Variants in GARRE1 observed in about 807,000 individuals in gnomAD.
GARRE1 encodes granule associated Rac and RHOG effector 1.
In GARRE1, 49 loss-of-function variants were observed where a neutral mutation model predicts 103.2. The observed-to-expected ratio is 0.47, with a 90% CI of 0.38 to 0.60. The LOEUF is 0.60. GARRE1 is among the 20% of genes least tolerant of loss of function. GARRE1 has a pLI of 0.00. For missense variants in GARRE1, 1,199 were observed against 1,370.5 expected (o/e 0.87, Z 1.98); for synonymous variants, 505 against 532.8 (o/e 0.95, Z 0.72).
chr19:34,301,954 A>G (rs1599763557), intron 2 of GARRE1, among the ~76,000 whole-genome samples: 1 of 121,182 alleles, frequency 8.3e-6, no homozygotes, highest in African/African-American at 3.0e-5. Flanking sequence ...AAGTGTTGGG[A>G]TTACAGGTGT....
At chr19:34,347,852 GGTTT>G (rs778411732) in intron 10 of GARRE1, 21 bp from the exon 11 acceptor site, 35 of 1,493,050 alleles carry the variant, frequency 2.3e-5, no homozygotes, top group Middle Eastern at 1.8e-4. Flanking sequence ...CCCCAAACCC[GGTTT>G]ATTCCTTTGT....
intron 8 of GARRE1, among the ~76,000 whole-genome samples, chr19:34,338,643 G>C (rs982816502): frequency 6.6e-6 from 1 of 152,132 alleles, no homozygotes; most frequent in Non-Finnish European, 1.5e-5. Context: ...AGAGAAATTC[G>C]GGCAAAGGCA....
chr19:34,339,746 T>G, intron 8 of GARRE1, 121 bp from the exon 9 acceptor site: 1 of 1,129,230 alleles, frequency 8.9e-7, no homozygotes, highest in Non-Finnish European at 1.3e-6. Context: ...GTTCTTACAG[T>G]TACTGAATTT....
intron 2 of GARRE1, among the ~76,000 whole-genome samples, chr19:34,317,996 T>TGGAA (rs2074067689): frequency 6.6e-6 from 1 of 152,114 alleles, no homozygotes; most frequent in Admixed American, 6.6e-5. Flanking sequence ...GAGGTGTGAG[T>TGGAA]GGAAGCCCAG....
At chr19:34,290,498 TTCTC>T (rs889554137) in intron 1 of GARRE1, among the ~76,000 whole-genome samples, 22 of 151,740 alleles carry the variant, frequency 1.4e-4, no homozygotes, top group Non-Finnish European at 8.8e-5. Context: ...AAGCCTTTTT[TTCTC>T]TCTCTCTCTC....
intron 10 of GARRE1, among the ~76,000 whole-genome samples, chr19:34,343,974 A>G (rs2074198805): frequency 6.6e-6 from 1 of 152,260 alleles, no homozygotes; most frequent in Non-Finnish European, 1.5e-5. Context: ...GGCGACTGTT[A>G]TCACCTGTAG....
intron 10 of GARRE1, among the ~76,000 whole-genome samples, chr19:34,343,987 T>A (rs979888481): frequency 1.3e-5 from 2 of 152,202 alleles, no homozygotes; most frequent in South Asian, 2.1e-4. Flanking sequence ...ACCTGTAGCA[T>A]GTAACTTTGT....
chr19:34,283,953 T>C (rs2073870680), intron 1 of GARRE1, among the ~76,000 whole-genome samples: 1 of 148,172 alleles, frequency 6.7e-6, no homozygotes, highest in South Asian at 2.2e-4. Flanking sequence ...TGCCTCAGCC[T>C]CCCAAGTAGC....
intron 1 of GARRE1, among the ~76,000 whole-genome samples, chr19:34,268,250 T>A (rs2073764717): frequency 6.6e-6 from 1 of 152,326 alleles, no homozygotes; most frequent in South Asian, 2.1e-4. Context: ...GATGAAACCT[T>A]CCTTTTACCT....
At chr19:34,287,705 C>T (rs1471439759) in intron 1 of GARRE1, among the ~76,000 whole-genome samples, 1 of 152,050 alleles carries the variant, frequency 6.6e-6, no homozygotes, top group Non-Finnish European at 1.5e-5. Context: ...ATCAGGGTGC[C>T]AGCACTGTCA....
chr19:34,341,968 G>A lies in GARRE1; in HGVS notation c.2034G>A (p.Met678Ile). 6.2e-7 allele frequency: 1 copy of A among 1,614,152 alleles called. No homozygotes were observed. Among genetic ancestry groups the A allele is most frequent in the Non-Finnish European group, 8.5e-7 (1 of 1,180,026 alleles). Residue 678 changes from methionine to isoleucine, a missense_variant, in exon 10 of 14, where the codon ATG (methionine) becomes ATA (isoleucine). Met to Ile is a conservative substitution (Grantham distance 10, BLOSUM62 1). Coordinates refer to ENST00000299505, the MANE Select transcript of GARRE1 (RefSeq NM_014686.5). ...VTRHNSAATA[M>I]VTEQKAGAMQ... ...GGCATAATTCTGCTGCCACAGCCAT[G>A]GTGACTGAGCAGAAGGCAGGAGCCA...
intron 3 of GARRE1, among the ~76,000 whole-genome samples, chr19:34,320,785 G>C (rs1284980338): frequency 6.7e-6 from 1 of 150,104 alleles, no homozygotes; most frequent in South Asian, 2.1e-4. Context: ...GCAGTGCTGC[G>C]ATCAAGTCTC....
intron 3 of GARRE1, 67 bp from the exon 4 acceptor site, chr19:34,327,354 T>G (rs2074116250): frequency 7.1e-7 from 1 of 1,417,888 alleles, no homozygotes; most frequent in Non-Finnish European, 9.8e-7. Flanking sequence ...GTTGTTGTTA[T>G]TGTTGGTCTA....
At chr19:34,327,891 T>A in intron 5 of GARRE1, 25 bp downstream of exon 5, 1 of 1,613,444 alleles carries the variant, frequency 6.2e-7, no homozygotes, top group Non-Finnish European at 8.5e-7. Flanking sequence ...CCTAAAGCTC[T>A]GGGGACCTAT....
chr19:34,289,011 G>A (rs772749085), intron 1 of GARRE1, among the ~76,000 whole-genome samples: 3 of 151,734 alleles, frequency 2.0e-5, no homozygotes, highest in Non-Finnish European at 4.4e-5. Flanking sequence ...GTGTGCCTGT[G>A]ATCTCCCAGC....
chr19:34,255,543 A>G (rs980125551), intron 1 of GARRE1, among the ~76,000 whole-genome samples: 2 of 152,252 alleles, frequency 1.3e-5, no homozygotes, highest in African/African-American at 2.4e-5. Flanking sequence ...GTGATAATCA[A>G]TAAATACAGA....
intron 6 of GARRE1, among the ~76,000 whole-genome samples, chr19:34,329,430 C>T (rs975426452): frequency 2.6e-5 from 4 of 152,266 alleles, no homozygotes; most frequent in Non-Finnish European, 4.4e-5. Context: ...TGTATATTAT[C>T]GCATATGTAT....
At chr19:34,347,752 G>A in intron 10 of GARRE1, 125 bp from the exon 11 acceptor site, 2 of 940,544 alleles carry the variant, frequency 2.1e-6, no homozygotes, top group South Asian at 4.0e-5. Flanking sequence ...ACGCTGTGGG[G>A]CACAAGCCTG....
intron 1 of GARRE1, among the ~76,000 whole-genome samples, chr19:34,275,519 G>T (rs2073811923): frequency 6.6e-6 from 1 of 151,856 alleles, no homozygotes; most frequent in South Asian, 2.1e-4. Context: ...CTTTCACTTA[G>T]CATAATGTTT....
Sources: gnomAD v4.1 joint callset for allele counts (sites outside exome capture counted in the v4.1 genomes callset) on GRCh38, gnomAD v4.1.1 for gene constraint, MANE v1.5 for transcripts, NCBI Gene and HGNC (gene_info 2026-07-23, HGNC 2026-07-21) for gene names.